Variants in FGL1 observed in about 807,000 individuals in gnomAD.
FGL1 encodes fibrinogen-like protein 1.
A neutral mutation model predicts 43.7 loss-of-function variants in FGL1; 59 were observed. The ratio of observed to expected loss-of-function variants is 1.35; its 90% confidence interval spans 1.10 to 1.68. The LOEUF (loss-of-function observed/expected upper bound fraction) is 1.68. FGL1 is among the 40% of genes most tolerant of loss of function. The pLI is 0.00. For missense variants in FGL1, 596 were observed against 373.0 expected, an observed-to-expected ratio of 1.60 and a Z score of -4.92; for synonymous variants, 192 against 126.5, an observed-to-expected ratio of 1.52 and a Z score of -3.48.
intron 7 of FGL1, among the ~76,000 whole-genome samples, chr8:17,865,232 C>G (rs1276782943): frequency 6.6e-6 from 1 of 152,156 alleles, no homozygotes; most frequent in Non-Finnish European, 1.5e-5. Context: ...AACAAAAACG[C>G]ATCCTTGTAA....
chr8:17,887,432 A>G (rs2053644307), intron 1 of FGL1, among the ~76,000 whole-genome samples: 1 of 152,198 alleles, frequency 6.6e-6, no homozygotes, highest in African/African-American at 2.4e-5. Context: ...TTTACATTTC[A>G]TTCTCTGTCC....
intron 2 of FGL1, 125 bp from the exon 3 acceptor site, chr8:17,882,304 A>C: frequency 1.1e-6 from 1 of 907,754 alleles, no homozygotes; most frequent in Non-Finnish European, 1.6e-6. Flanking sequence ...ATATTATTCC[A>C]AAGAGAAAGT....
At chr8:17,884,435 T>C (rs1300922429) in intron 2 of FGL1, among the ~76,000 whole-genome samples, 3 of 152,146 alleles carry the variant, frequency 2.0e-5, no homozygotes, top group Non-Finnish European at 2.9e-5. Flanking sequence ...CTTCAAGCGA[T>C]CCACCCACCT....
At chr8:17,886,742 AGT>A (rs1283855520) in intron 1 of FGL1, among the ~76,000 whole-genome samples, 1 of 151,584 alleles carries the variant, frequency 6.6e-6, no homozygotes, top group Non-Finnish European at 1.5e-5. Flanking sequence ...TGGGTGACAG[AGT>A]GAGTCCCTGT....
chr8:17,893,731 C>T (rs7016410), intron 1 of FGL1, among the ~76,000 whole-genome samples: 108,064 of 145,914 alleles, frequency 0.74, 42,510 homozygotes, highest in African/African-American at 0.79. Context: ...TCCTCCTTTG[C>T]AATTCTAACC....
chr8:17,881,649 T>C (rs1489165071), intron 3 of FGL1, among the ~76,000 whole-genome samples: 1 of 150,442 alleles, frequency 6.6e-6, no homozygotes, highest in Middle Eastern at 3.2e-3. Flanking sequence ...CTGGCTAACA[T>C]GGTGAAACCC....
intron 3 of FGL1, among the ~76,000 whole-genome samples, chr8:17,880,258 G>T (rs1050521222): frequency 6.6e-6 from 1 of 152,170 alleles, no homozygotes; most frequent in African/African-American, 2.4e-5. Flanking sequence ...CCAGGGCGAG[G>T]AGTCTGAGCA....
In FGL1 at chr8:17,887,931, G is replaced by A. The variant is rs954935010; in HGVS notation, c.-17-2360C>T. On this transcript the variant is annotated intron_variant, in intron 1 of 7. Transcript: ENST00000427924. ...GTAGCAACAATTTATAAGAACTCTG[G>A]CATTTCACTCTTTATTTTATCTTAG... Among the ~76,000 whole-genome samples, 11 of 151,602 alleles carry A rather than the reference G, an allele frequency of 7.3e-5. 1 individual carries two copies. Among genetic ancestry groups the A allele is most frequent in the Admixed American group, 6.6e-4 (10 of 15,224 alleles).
intron 1 of FGL1, among the ~76,000 whole-genome samples, chr8:17,894,565 C>T (rs1357629549): frequency 1.4e-5 from 2 of 146,820 alleles, no homozygotes; most frequent in Admixed American, 1.3e-4. Context: ...TGAAAATTGT[C>T]ATATAGTCCA....
intron 3 of FGL1, among the ~76,000 whole-genome samples, chr8:17,881,223 G>A (rs1031338343): frequency 6.0e-5 from 9 of 150,402 alleles, no homozygotes; most frequent in African/African-American, 9.9e-5. Context: ...TGCAACCTGC[G>A]ACTCCTGGGT....
At chr8:17,875,503 C>CTTTCTTTCT (rs2053433326) in intron 3 of FGL1, among the ~76,000 whole-genome samples, 1 of 7,390 alleles carries the variant, frequency 1.4e-4, no homozygotes, top group African/African-American at 5.2e-4. Context: ...TTCTTTCTTT[C>CTTTCTTTCT]TTTCTTTCTT....
intron 3 of FGL1, among the ~76,000 whole-genome samples, chr8:17,881,767 G>A (rs572977840): frequency 3.3e-5 from 5 of 150,666 alleles, no homozygotes; most frequent in African/African-American, 1.2e-4. Context: ...CTGGTAGACG[G>A]AGCTTGCAGT....
At chr8:17,888,220 A>G (rs2053656613) in intron 1 of FGL1, among the ~76,000 whole-genome samples, 2 of 152,188 alleles carry the variant, frequency 1.3e-5, no homozygotes, top group South Asian at 4.1e-4. Context: ...GTGTATTTTT[A>G]TAAAAGATAA....
At chr8:17,869,248 G>C (rs937883652) in intron 5 of FGL1, among the ~76,000 whole-genome samples, 7 of 152,106 alleles carry the variant, frequency 4.6e-5, no homozygotes, top group African/African-American at 1.7e-4. Context: ...ATCTCTTAGA[G>C]GTAAAACCTA....
At chr8:17,878,195 T>A (rs1451546865) in intron 3 of FGL1, among the ~76,000 whole-genome samples, 1 of 152,122 alleles carries the variant, frequency 6.6e-6, no homozygotes, top group Non-Finnish European at 1.5e-5. Context: ...CAAGTGTTCC[T>A]CCCACCTCGG....
intron 3 of FGL1, among the ~76,000 whole-genome samples, chr8:17,881,739 C>G (rs1046092300): frequency 6.7e-5 from 10 of 149,812 alleles, no homozygotes; most frequent in African/African-American, 2.5e-4. Flanking sequence ...GAGACTGAGG[C>G]AGGAGAATGG....
chr8:17,874,335 TA>T, intron 4 of FGL1, 26 bp downstream of exon 4: 1 of 1,599,024 alleles, frequency 6.3e-7, no homozygotes, highest in Non-Finnish European at 8.5e-7. Context: ...CTGCTACATA[TA>T]AAGTCTTACA....
chr8:17,887,297 G>A (rs759685715), intron 1 of FGL1, among the ~76,000 whole-genome samples: 14 of 152,140 alleles, frequency 9.2e-5, no homozygotes, highest in Non-Finnish European at 1.6e-4. Context: ...TTGACTGATC[G>A]CTCTCCAAAG....
In FGL1 at chr8:17,864,496, G is replaced by C. The variant is rs536568583; in HGVS notation, c.*96C>G. The C allele has an allele frequency of 1.0e-3, 1,358 of 1,341,820 alleles. 1 individual carries two copies. Among genetic ancestry groups the C allele is most frequent in the Non-Finnish European group, 1.2e-3 (1,207 of 987,764 alleles). The allele number at this position is 1,341,820 out of a possible 1,614,324, so 83.1% of individuals were successfully genotyped here. A position where few individuals can be genotyped will look rare whatever the true frequency, so the allele number is the denominator to read the frequency against. On this transcript the variant is annotated 3_prime_UTR_variant, in exon 8 of 8. Transcript: ENST00000427924. ...AGAATGAAAAGCACTACTCACAACA[G>C]TTATCATGATTGCGCATGGATATGT...
Sources: allele counts gnomAD v4.1 joint callset (sites outside exome capture counted in the v4.1 genomes callset), GRCh38; gene constraint gnomAD v4.1.1; transcripts MANE v1.5; gene names NCBI Gene and HGNC (gene_info 2026-07-23, HGNC 2026-07-21).